The following ANOS1 variants were observed in gnomAD, a reference collection of about 807,000 sequenced individuals.
ANOS1 encodes anosmin 1, also known as anosmin-1.
ANOS1 carries 6 observed loss-of-function variants against 59.0 expected under a neutral mutation model. The ratio of observed to expected loss-of-function variants is 0.10; its 90% confidence interval spans 0.06 to 0.20. The LOEUF is 0.20. Ranked by LOEUF, ANOS1 falls within the 10% of genes least tolerant of loss-of-function variation. ANOS1 has a pLI of 1.00. For synonymous variants in ANOS1, 217 were observed against 223.4 expected, an observed-to-expected ratio of 0.97 and a Z score of 0.25; for missense variants, 433 against 542.3, an observed-to-expected ratio of 0.80 and a Z score of 2.00.
chrX:8,667,212 A>G (rs1007127024), intron 2 of ANOS1, among the ~76,000 whole-genome samples: 2 of 111,021 alleles, frequency 1.8e-5, no homozygotes, highest in African/African-American at 6.6e-5. Context: ...TTGAGTTTAC[A>G]TTGGTTTGAC....
chrX:8,718,586 C>T (rs1276026113), intron 1 of ANOS1, among the ~76,000 whole-genome samples: 1 of 112,138 alleles, frequency 8.9e-6, no homozygotes, highest in African/African-American at 3.2e-5. Flanking sequence ...ATGAACTTGG[C>T]ATTCATGGCA....
rs779547608 is a variant in ANOS1, at chrX:8,717,229, A to G, written c.207+14601T>C. On this transcript the variant is annotated intron_variant, in intron 1 of 13. Transcript: ENST00000262648. ...AAGCAACCTCCATCTTCTTTTCAAA[A>G]TTGTGGAGTAATAAAGTGAACTAGA... Among the ~76,000 whole-genome samples, 19 of 112,353 alleles carry G rather than the reference A, an allele frequency of 1.7e-4. No homozygotes were observed. In the East Asian group the frequency reaches 5.3e-3, roughly 31 times the overall value.
Position 8,529,284 on chromosome X carries a change from G to A in ANOS1, c.*3711C>T, listed in dbSNP as rs1020508868. On this transcript the variant is annotated 3_prime_UTR_variant, in exon 14 of 14. Transcript: ENST00000262648. ...GAGAATCCTCTCCGTACCTGACACC[G>A]AGTCTGACCATGCAAAATCACAGGT... is the stretch of plus-strand genomic sequence containing the variant. The A allele has an allele frequency of 4.5e-5, 5 of 111,853 alleles. No homozygotes were observed. The Admixed American group carries it at 4.8e-4, about 11-fold the overall frequency. 9.2% of individuals were successfully genotyped at this position (111,853 alleles called of 1,213,427 possible). A position where few individuals can be genotyped will look rare whatever the true frequency, so the allele number is the denominator to read the frequency against.
At chrX:8,537,307 C>T (rs1477267137) in intron 10 of ANOS1, among the ~76,000 whole-genome samples, 1 of 111,689 alleles carries the variant, frequency 9.0e-6, no homozygotes, top group Admixed American at 9.5e-5. Flanking sequence ...ACGCAGGCTT[C>T]TCTGAGACAT....
At chrX:8,636,004 G>A (rs1228345407) in intron 2 of ANOS1, among the ~76,000 whole-genome samples, 3 of 110,889 alleles carry the variant, frequency 2.7e-5, no homozygotes, top group African/African-American at 9.8e-5. Flanking sequence ...AGCCAGGCCC[G>A]TCTCCCCAGT....
chrX:8,559,178 C>A (rs1007950906), intron 8 of ANOS1, among the ~76,000 whole-genome samples: 1 of 111,898 alleles, frequency 8.9e-6, no homozygotes, highest in Non-Finnish European at 1.9e-5. Context: ...TGACCAGCCA[C>A]TGTTTCTGTT....
intron 2 of ANOS1, among the ~76,000 whole-genome samples, chrX:8,624,677 C>G (rs1000481877): frequency 9.0e-6 from 1 of 110,938 alleles, no homozygotes. Flanking sequence ...AAGACACTAG[C>G]CAGACTCCAT....
intron 8 of ANOS1, among the ~76,000 whole-genome samples, chrX:8,562,630 T>C (rs1449755464): frequency 8.9e-6 from 1 of 112,345 alleles, no homozygotes; most frequent in East Asian, 2.8e-4. Context: ...TTCTCTCCCA[T>C]CTATTCTTGT....
chrX:8,645,374 TC>T (rs1379111807), intron 2 of ANOS1, among the ~76,000 whole-genome samples: 3 of 111,747 alleles, frequency 2.7e-5, no homozygotes, highest in African/African-American at 9.8e-5. Context: ...ATTCTCAACT[TC>T]ACCTTTCTGA....
At chrX:8,555,488 C>T (rs1016910348) in intron 8 of ANOS1, among the ~76,000 whole-genome samples, 2 of 111,168 alleles carry the variant, frequency 1.8e-5, no homozygotes, top group African/African-American at 6.5e-5. Flanking sequence ...ACTAGCCAGA[C>T]TAATAAAGAA....
rs1452001498 is a variant in ANOS1, at chrX:8,554,112, C to T, written c.1208-14G>A. The T allele has an allele frequency of 2.5e-6, 3 of 1,183,579 alleles. No individual in the cohort carries two copies. The highest frequency in any genetic ancestry group is 2.3e-4 in the Middle Eastern group (1 of 4,292). ...CAAGCTGTTCTTCTACAACAAAGTACAACATTCTAAGTTACTTGTTAAAAG... is the reference window on the plus strand; with the variant it reads ...CAAGCTGTTCTTCTACAACAAAGTATAACATTCTAAGTTACTTGTTAAAAG... On this transcript the variant is annotated splice_polypyrimidine_tract_variant and intron_variant, in intron 8 of 13. Coordinates refer to ENST00000262648, the MANE Select transcript of ANOS1 (RefSeq NM_000216.4).
intron 3 of ANOS1, among the ~76,000 whole-genome samples, chrX:8,600,470 G>A (rs375090482): frequency 4.5e-5 from 5 of 112,204 alleles, no homozygotes; most frequent in African/African-American, 1.3e-4. Flanking sequence ...TACATAAAAC[G>A]TGAAAATAAC....
chrX:8,641,022 C>T (rs1391774921), intron 2 of ANOS1, among the ~76,000 whole-genome samples: 1 of 112,081 alleles, frequency 8.9e-6, no homozygotes, highest in Non-Finnish European at 1.9e-5. Context: ...TACTTACTTC[C>T]TCATGTCAGC....
Position 8,703,563 on chromosome X carries a change from G to A in ANOS1, c.208-3818C>T, listed in dbSNP as rs189032892. 4.8e-3 allele frequency among the ~76,000 whole-genome samples: 536 copies of A among 111,758 alleles called. 5 individuals are homozygous for A. The highest frequency in any genetic ancestry group is 0.017 in the African/African-American group (508 of 30,732). On this transcript the variant is annotated intron_variant, in intron 1 of 13. Coordinates refer to ENST00000262648, the MANE Select transcript of ANOS1 (RefSeq NM_000216.4). ...TAAAATATGCAGAGTGACAAAGCCA[G>A]TGATTAACCTCAATGGTAAACAACA...
chrX:8,624,011 C>CTTTT (rs566769185), intron 2 of ANOS1, among the ~76,000 whole-genome samples: 13 of 69,389 alleles, frequency 1.9e-4, no homozygotes, highest in African/African-American at 3.2e-4. Context: ...CTTTTCTTTT[C>CTTTT]TTTTTTTTTT....
chrX:8,585,494 T>G, intron 5 of ANOS1, 98 bp from the exon 6 acceptor site: 1 of 966,166 alleles, frequency 1.0e-6, no homozygotes, highest in Non-Finnish European at 1.5e-6. Flanking sequence ...CATCAGCCAA[T>G]GCAACTCAGT....
rs1422103930 is a variant in ANOS1 at position 8,725,523 on chromosome X, T to TATATATATATACAGATATATATATACAG, written c.207+6279_207+6306dup. Among the ~76,000 whole-genome samples, 8 of 70,382 alleles carry TATATATATATACAGATATATATATACAG rather than the reference T, an allele frequency of 1.1e-4. 2 individuals are homozygous for TATATATATATACAGATATATATATACAG. The East Asian group carries it at 1.3e-3, about 11-fold the overall frequency. 61.1% of individuals were successfully genotyped at this position (70,382 alleles called of 115,157 possible). A position where few individuals can be genotyped will look rare whatever the true frequency, so the allele number is the denominator to read the frequency against. ...GGATAAATAATATTATATACAGATATATATATATATACAGATATATATATA... is the reference window on the plus strand; with the variant it reads ...GGATAAATAATATTATATACAGATATATATATATATACAGATATATATATACAGATATATATATACAGATATATATATA... On this transcript the variant is annotated intron_variant, in intron 1 of 13. Transcript: ENST00000262648.
chrX:8,644,144 C>T (rs770793364), intron 2 of ANOS1, among the ~76,000 whole-genome samples: 5 of 111,637 alleles, frequency 4.5e-5, no homozygotes, highest in Non-Finnish European at 9.4e-5. Flanking sequence ...CTCTTTTCGT[C>T]GACATACTTG....
At chrX:8,632,273 C>T (rs1267475219) in intron 2 of ANOS1, among the ~76,000 whole-genome samples, 3 of 111,997 alleles carry the variant, frequency 2.7e-5, no homozygotes, top group East Asian at 2.8e-4. Flanking sequence ...CTCAACTATA[C>T]GTTTCTGATA....
Sources: gnomAD v4.1 joint callset for allele counts (sites outside exome capture counted in the v4.1 genomes callset) on GRCh38, gnomAD v4.1.1 for gene constraint, MANE v1.5 for transcripts, NCBI Gene and HGNC (gene_info 2026-07-23, HGNC 2026-07-21) for gene names.